ZSWIM6: variants seen among roughly 807,000 people sequenced by gnomAD.
ZSWIM6 encodes zinc finger SWIM domain-containing protein 6.
ZSWIM6 carries 9 observed loss-of-function variants against 113.2 expected under a neutral mutation model. The observed-to-expected ratio is 0.08, with a 90% confidence interval of 0.05 to 0.14. The LOEUF (loss-of-function observed/expected upper bound fraction) is 0.14. ZSWIM6 is among the 10% of genes least tolerant of loss of function. The probability of loss-of-function intolerance (pLI) is 1.00; values close to 1 mark genes in which losing one functional copy is unlikely to be tolerated. For synonymous variants in ZSWIM6, 611 were observed against 606.5 expected (o/e 1.01, Z -0.11); for missense variants, 1,162 against 1,552.2 (o/e 0.75, Z 4.22).
At chr5:61,424,884 C>T (rs527491745) in intron 1 of ZSWIM6, among the ~76,000 whole-genome samples, 12 of 151,972 alleles carry the variant, frequency 7.9e-5, no homozygotes, top group African/African-American at 2.7e-4. Flanking sequence ...CCCGCCACCA[C>T]GCCCGTCTAA....
chr5:61,535,603 G>T lies in ZSWIM6; in HGVS notation c.2365G>T (p.Ala789Ser). 1.3e-6 allele frequency: 2 copies of T among 1,551,196 alleles called. No individual in the cohort carries two copies. The highest frequency in any genetic ancestry group is 1.7e-6 in the Non-Finnish European group (2 of 1,146,698). ...CGATGCTGAATTGGCATACAAAATT[G>T]CACTGAGAGCAATGCGGTATGTATT... ...PHDAELAYKI[A>S]LRAMRLLVLE... Residue 789 changes from alanine to serine, a missense_variant, in exon 10 of 14, where the codon GCA becomes TCA. Coordinates refer to ENST00000252744, the MANE Select transcript of ZSWIM6 (RefSeq NM_020928.2).
At chr5:61,509,151 A>G (rs1748707794) in intron 4 of ZSWIM6, among the ~76,000 whole-genome samples, 1 of 152,184 alleles carries the variant, frequency 6.6e-6, no homozygotes. Context: ...ATGTTTGTCA[A>G]TATTATAGGA....
intron 11 of ZSWIM6, 78 bp from the exon 12 acceptor site, chr5:61,539,518 G>A: frequency 6.8e-7 from 1 of 1,464,366 alleles, no homozygotes; most frequent in Non-Finnish European, 9.1e-7. Context: ...TGTGTGTATG[G>A]TTGTATGATT....
At chr5:61,375,469 G>C in intron 1 of ZSWIM6, 1 of 1,549,006 alleles carries the variant, frequency 6.5e-7, no homozygotes, top group Non-Finnish European at 8.8e-7. Flanking sequence ...CAGTTCTTCT[G>C]ATTCTGAAGA....
intron 1 of ZSWIM6, among the ~76,000 whole-genome samples, chr5:61,447,546 G>GT (rs888653103): frequency 1.3e-5 from 2 of 152,206 alleles, no homozygotes; most frequent in Non-Finnish European, 2.9e-5. Flanking sequence ...TTCAAAGGCT[G>GT]TTTTTTTCTA....
chr5:61,350,736 C>T (rs942965357), intron 1 of ZSWIM6, among the ~76,000 whole-genome samples: 33 of 152,168 alleles, frequency 2.2e-4, no homozygotes, highest in East Asian at 3.8e-4. Flanking sequence ...CATTAGGAGG[C>T]GTCTTGTCTT....
At chr5:61,401,931 T>A (rs1428545489) in intron 1 of ZSWIM6, among the ~76,000 whole-genome samples, 2 of 152,134 alleles carry the variant, frequency 1.3e-5, no homozygotes, top group African/African-American at 4.8e-5. Flanking sequence ...TCCTTCCCCT[T>A]TTCTCCCTCC....
intron 1 of ZSWIM6, among the ~76,000 whole-genome samples, chr5:61,356,157 G>T (rs1443202365): frequency 6.6e-6 from 1 of 152,204 alleles, no homozygotes; most frequent in Admixed American, 6.5e-5. Flanking sequence ...CTGGAGTGCA[G>T]TGTCAGAATC....
At chr5:61,409,993 G>A (rs1168152788) in intron 1 of ZSWIM6, among the ~76,000 whole-genome samples, 1 of 152,196 alleles carries the variant, frequency 6.6e-6, no homozygotes, top group Non-Finnish European at 1.5e-5. Context: ...TTTTGATAAA[G>A]GGAGTTTTAG....
intron 4 of ZSWIM6, among the ~76,000 whole-genome samples, chr5:61,505,304 A>T (rs1250413660): frequency 6.6e-6 from 1 of 152,102 alleles, no homozygotes; most frequent in Non-Finnish European, 1.5e-5. Context: ...AGCATCTATC[A>T]TTGTGCCTTT....
At chr5:61,443,144 A>G (rs1746873960) in intron 1 of ZSWIM6, among the ~76,000 whole-genome samples, 1 of 152,146 alleles carries the variant, frequency 6.6e-6, no homozygotes, top group Non-Finnish European at 1.5e-5. Context: ...AACTCCCCCA[A>G]AGAAGCAAGC....
intron 1 of ZSWIM6, among the ~76,000 whole-genome samples, chr5:61,349,084 A>G (rs80246353): frequency 3.0e-4 from 46 of 152,324 alleles, no homozygotes; most frequent in African/African-American, 1.1e-3. Flanking sequence ...TGTCTAATCA[A>G]ATTGAATCAA....
intron 4 of ZSWIM6, among the ~76,000 whole-genome samples, chr5:61,515,446 A>G (rs1748907540): frequency 6.6e-6 from 1 of 152,036 alleles, no homozygotes; most frequent in Admixed American, 6.6e-5. Flanking sequence ...GCATCATTCC[A>G]TGACACAGGA....
intron 1 of ZSWIM6, among the ~76,000 whole-genome samples, chr5:61,457,972 C>A (rs117469114): frequency 6.6e-6 from 1 of 152,102 alleles, no homozygotes; most frequent in Non-Finnish European, 1.5e-5. Flanking sequence ...TCAAATTTCC[C>A]CCTCTTTAAT....
At chr5:61,512,059 T>C (rs2053694) in intron 4 of ZSWIM6, among the ~76,000 whole-genome samples, 82,795 of 151,932 alleles carry the variant, frequency 0.54, 23,334 homozygotes, top group African/African-American at 0.65. Context: ...TGGACAAATG[T>C]ATATCGTCAT....
intron 1 of ZSWIM6, among the ~76,000 whole-genome samples, chr5:61,427,686 G>A (rs1432486274): frequency 6.6e-6 from 1 of 151,320 alleles, no homozygotes; most frequent in African/African-American, 2.4e-5. Flanking sequence ...TCACTTCATT[G>A]CCCTGGGTGG....
At chr5:61,415,304 AC>A (rs1310523034) in intron 1 of ZSWIM6, among the ~76,000 whole-genome samples, 1 of 152,130 alleles carries the variant, frequency 6.6e-6, no homozygotes, top group Non-Finnish European at 1.5e-5. Flanking sequence ...TAGGATAAAA[AC>A]CCTTGGGCTG....
intron 1 of ZSWIM6, among the ~76,000 whole-genome samples, chr5:61,388,867 C>T (rs560077276): frequency 3.9e-5 from 6 of 152,234 alleles, no homozygotes; most frequent in East Asian, 3.9e-4. Context: ...TTATGAAATT[C>T]GACAATTTGA....
chr5:61,450,833 G>A (rs1408507276), intron 1 of ZSWIM6, among the ~76,000 whole-genome samples: 1 of 152,166 alleles, frequency 6.6e-6, no homozygotes, highest in Non-Finnish European at 1.5e-5. Context: ...TGAGTATAGG[G>A]AAGAGGAACC....
Sources: gnomAD v4.1 joint callset for allele counts (sites outside exome capture counted in the v4.1 genomes callset) on GRCh38, gnomAD v4.1.1 for gene constraint, MANE v1.5 for transcripts, NCBI Gene and HGNC (gene_info 2026-07-23, HGNC 2026-07-21) for gene names.